CCSER2: variants seen among roughly 807,000 people sequenced by gnomAD.
CCSER2 encodes coiled-coil serine rich protein 2, also known as serine-rich coiled-coil domain-containing protein 2.
CCSER2 carries 46 observed loss-of-function variants against 92.3 expected under a neutral mutation model. The ratio of observed to expected loss-of-function variants is 0.50; its 90% CI spans 0.39 to 0.64. CCSER2 has a LOEUF of 0.64. Among genes scored for constraint, CCSER2 ranks in the 30% least tolerant of loss-of-function variants. The probability of loss-of-function intolerance (pLI) is 0.00; values close to 1 mark genes in which losing one functional copy is unlikely to be tolerated. For synonymous variants in CCSER2, 433 were observed against 431.4 expected (o/e 1.00, Z -0.04); for missense variants, 1,244 against 1,238.9 (o/e 1.00, Z -0.06).
At chr10:84,440,144 T>C (rs1188266397) in intron 6 of CCSER2, among the ~76,000 whole-genome samples, 3 of 152,174 alleles carry the variant, frequency 2.0e-5, no homozygotes, top group Non-Finnish European at 4.4e-5. Context: ...TAACCAATGA[T>C]TGGTACCATA....
At chr10:84,505,903 T>A (rs1296524794) in intron 9 of CCSER2, among the ~76,000 whole-genome samples, 1 of 152,156 alleles carries the variant, frequency 6.6e-6, no homozygotes, top group South Asian at 2.1e-4. Flanking sequence ...TGTACCATAA[T>A]GCTTACAGTA....
Position 84,371,919 on chromosome 10 carries a change from A to T in CCSER2, c.867A>T (p.Gly289=). 2 of 1,613,920 alleles carry T rather than the reference A, an allele frequency of 1.2e-6. No individual in the cohort carries two copies. Among genetic ancestry groups the T allele is most frequent in the Non-Finnish European group, 1.7e-6 (2 of 1,179,872 alleles). ...VLNGNEHLGY[G]FNRPYAAGGK... is the part of the protein sequence containing the mutation. ...ATGGGAATGAACATTTGGGGTATGG[A>T]TTTAATAGGCCTTATGCTGCTGGTG... is the stretch of plus-strand genomic sequence containing the variant. The change falls in exon 2 of 10, where the codon GGA becomes GGT. Residue 289 remains glycine, a synonymous_variant. Transcript: ENST00000372088.
At chr10:84,458,148 G>A (rs1057211605) in intron 6 of CCSER2, among the ~76,000 whole-genome samples, 2 of 152,096 alleles carry the variant, frequency 1.3e-5, no homozygotes, top group Non-Finnish European at 2.9e-5. Context: ...GATTTTCTAT[G>A]TTTAAGTGGA....
rs771977105 is a variant in CCSER2 at position 84,372,216 on chromosome 10, A to T, written c.1164A>T (p.Arg388Ser). The T allele has an allele frequency of 6.2e-7, 1 of 1,613,592 alleles. No individual in the cohort carries two copies. Among genetic ancestry groups the T allele is most frequent in the South Asian group, 1.1e-5 (1 of 91,060 alleles). The change falls in exon 2 of 10, where the codon AGA (arginine) becomes AGT (serine). Residue 388 changes from arginine to serine, a missense_variant. Coordinates refer to ENST00000372088, the MANE Select transcript of CCSER2 (RefSeq NM_001284240.2). ...NQTMKHDAKM[R>S]YLSDDVDDIS... is the part of the protein sequence containing the mutation. ...CCATGAAACATGATGCTAAAATGAG[A>T]TACCTGAGTGATGATGTGGATGACA...
chr10:84,338,487 GA>G (rs368847532), intron 1 of CCSER2, among the ~76,000 whole-genome samples: 16 of 151,464 alleles, frequency 1.1e-4, no homozygotes, highest in African/African-American at 3.2e-4. Flanking sequence ...TTTCAACAGA[GA>G]AAAAAAATGC....
At chr10:84,416,770 T>C (rs1168087199) in intron 3 of CCSER2, among the ~76,000 whole-genome samples, 2 of 151,908 alleles carry the variant, frequency 1.3e-5, no homozygotes, top group African/African-American at 4.8e-5. Flanking sequence ...CTACCAAAAA[T>C]ACACAAAAAA....
In CCSER2 at chr10:84,516,422, A is replaced by G. The variant is rs1849599153; in HGVS notation, c.*2155A>G. ...ATGACCCATGATGGCTGCAGTTGTA[A>G]GTGGGCATACATGTTCTATCATTTT... On this transcript the variant is annotated 3_prime_UTR_variant, in exon 10 of 10. Transcript: ENST00000372088. 1 of 152,236 alleles carries G rather than the reference A, an allele frequency of 6.6e-6. No individual in the cohort carries two copies. Among genetic ancestry groups the G allele is most frequent in the Non-Finnish European group, 1.5e-5 (1 of 68,046 alleles). 9.4% of individuals were successfully genotyped at this position (152,236 alleles called of 1,614,324 possible). A position where few individuals can be genotyped will look rare whatever the true frequency, so the allele number is the denominator to read the frequency against.
chr10:84,485,552 G>GT (rs1412390249), intron 9 of CCSER2, among the ~76,000 whole-genome samples: 3 of 152,158 alleles, frequency 2.0e-5, no homozygotes, highest in Non-Finnish European at 4.4e-5. Flanking sequence ...TGCATCAGTA[G>GT]TTAGTTTCTT....
rs139213356 is a variant in CCSER2, at chr10:84,392,845, G to A, written c.1614+19030G>A. On this transcript the variant is annotated intron_variant, in intron 3 of 9. Transcript: ENST00000372088. The stretch of plus-strand genomic sequence containing the variant: ...ATTTTGCATTGAACATTAATGTAGC[G>A]GATATAATTTGATGGTTGCACTTCA... 1.4e-3 allele frequency among the ~76,000 whole-genome samples: 212 copies of A among 152,118 alleles called. 6 individuals are homozygous for A. The East Asian group carries it at 0.034, about 24-fold the overall frequency.
chr10:84,427,508 A>G (rs1483225955), intron 5 of CCSER2, among the ~76,000 whole-genome samples: 4 of 152,136 alleles, frequency 2.6e-5, no homozygotes, highest in Admixed American at 2.6e-4. Context: ...TCCATTCTAA[A>G]ACTTCCTGAG....
At chr10:84,460,288 G>A (rs1960868) in intron 6 of CCSER2, among the ~76,000 whole-genome samples, 1 of 137,244 alleles carries the variant, frequency 7.3e-6, no homozygotes, top group Non-Finnish European at 1.6e-5. Context: ...ATTTTTAGTA[G>A]AAATGGGGTT....
intron 9 of CCSER2, among the ~76,000 whole-genome samples, chr10:84,488,474 T>C (rs941782066): frequency 3.3e-5 from 5 of 152,126 alleles, no homozygotes; most frequent in South Asian, 2.1e-4. Context: ...CTTGGGAGGG[T>C]ATATGTGTCG....
chr10:84,350,338 C>T (rs1844791594), intron 1 of CCSER2, among the ~76,000 whole-genome samples: 2 of 152,024 alleles, frequency 1.3e-5, no homozygotes, highest in South Asian at 4.1e-4. Context: ...TAAAGCATTT[C>T]GTTTTCCTTT....
intron 7 of CCSER2, among the ~76,000 whole-genome samples, chr10:84,469,774 GAGA>G (rs1241896266): frequency 6.6e-6 from 1 of 152,056 alleles, no homozygotes; most frequent in Admixed American, 6.6e-5. Context: ...AGATCCAATT[GAGA>G]AGGTGTTCTC....
chr10:84,457,280 T>TATATATTATATATAATATGTTATATATA (rs1554854284), intron 6 of CCSER2, among the ~76,000 whole-genome samples: 7 of 18,278 alleles, frequency 3.8e-4, no homozygotes, highest in African/African-American at 2.6e-3. Context: ...TATAATATAT[T>TATATATTATATATAATATGTTATATATA]ATATATTATA....
intron 3 of CCSER2, chr10:84,389,187 C>CA: frequency 3.0e-6 from 1 of 336,620 alleles, no homozygotes; most frequent in Admixed American, 3.4e-5. Flanking sequence ...CATTCTACCG[C>CA]ACCACTGTTT....
At chr10:84,502,171 C>T (rs989383203) in intron 9 of CCSER2, among the ~76,000 whole-genome samples, 1 of 151,298 alleles carries the variant, frequency 6.6e-6, no homozygotes, top group African/African-American at 2.4e-5. Flanking sequence ...TAGAATAAAT[C>T]TAGTGGTTTT....
rs750573944 is a variant in CCSER2, at chr10:84,463,801, TC to T, written c.2065-129del. The stretch of plus-strand genomic sequence containing the variant: ...AAATGAAGATTTCTAAAATTTTGTC[TC>T]CCATTTGTTCTTCACCATGCTAGCA... On this transcript the variant is annotated intron_variant, in intron 6 of 9. Transcript: ENST00000372088. 112 of 588,990 alleles carry T rather than the reference TC, an allele frequency of 1.9e-4. 3 individuals carry two copies. The South Asian group carries it at 2.2e-3, about 12-fold the overall frequency. The allele number at this position is 588,990 out of a possible 1,614,324, so 36.5% of individuals were successfully genotyped here.
chr10:84,355,980 G>A (rs905585106), intron 1 of CCSER2, among the ~76,000 whole-genome samples: 3 of 151,660 alleles, frequency 2.0e-5, no homozygotes, highest in East Asian at 1.9e-4. Flanking sequence ...GCGGGCGCCT[G>A]TAATCACAGT....
Sources: gnomAD v4.1 joint callset for allele counts (sites outside exome capture counted in the v4.1 genomes callset) on GRCh38, gnomAD v4.1.1 for gene constraint, MANE v1.5 for transcripts, NCBI Gene and HGNC (gene_info 2026-07-23, HGNC 2026-07-21) for gene names.